TMEM117: variants seen among roughly 807,000 people sequenced by gnomAD.
The protein encoded by TMEM117 is transmembrane protein 117.
In TMEM117, 27 loss-of-function variants were observed where a neutral mutation model predicts 52.4. The observed-to-expected ratio is 0.51, with a 90% CI of 0.38 to 0.71. The LOEUF (loss-of-function observed/expected upper bound fraction) is 0.71. TMEM117 is among the 30% of genes least tolerant of loss of function. The probability of loss-of-function intolerance (pLI) is 0.00; values close to 1 mark genes in which losing one functional copy is unlikely to be tolerated. For synonymous variants in TMEM117, 215 were observed against 206.3 expected (o/e 1.04, Z -0.36); for missense variants, 556 against 630.5 (o/e 0.88, Z 1.26).
At chr12:44,317,002 C>CTTTTTTTTTTTT (rs1202276425) in intron 6 of TMEM117, among the ~76,000 whole-genome samples, 82 of 121,364 alleles carry the variant, frequency 6.8e-4, no homozygotes, top group East Asian at 1.7e-3. Flanking sequence ...TTTTCTTTTT[C>CTTTTTTTTTTTT]TTTTTTTTTT....
intron 4 of TMEM117, among the ~76,000 whole-genome samples, chr12:44,193,593 A>T (rs1949382661): frequency 6.7e-6 from 1 of 149,644 alleles, no homozygotes; most frequent in African/African-American, 2.5e-5. Flanking sequence ...CTACACTCTC[A>T]CTGAAAAAGC....
intron 3 of TMEM117, among the ~76,000 whole-genome samples, chr12:44,114,148 A>G (rs1182232476): frequency 1.3e-5 from 2 of 151,532 alleles, no homozygotes; most frequent in African/African-American, 4.9e-5. Flanking sequence ...TCAGATGGAA[A>G]TGCAGTAATC....
chr12:44,087,209 T>G (rs1305673434), intron 3 of TMEM117, among the ~76,000 whole-genome samples: 1 of 151,810 alleles, frequency 6.6e-6, no homozygotes, highest in Non-Finnish European at 1.5e-5. Flanking sequence ...ATTATTAATT[T>G]CACAAAATAA....
intron 6 of TMEM117, among the ~76,000 whole-genome samples, chr12:44,322,436 A>G (rs1459398667): frequency 2.0e-5 from 3 of 152,124 alleles, no homozygotes; most frequent in Non-Finnish European, 2.9e-5. Flanking sequence ...TCATTTCGCT[A>G]CTAAAAGGTT....
At chr12:44,212,695 G>A (rs1431979912) in intron 5 of TMEM117, among the ~76,000 whole-genome samples, 1 of 152,068 alleles carries the variant, frequency 6.6e-6, no homozygotes, top group Non-Finnish European at 1.5e-5. Context: ...GGGGACTACT[G>A]TAATTGATTA....
intron 3 of TMEM117, among the ~76,000 whole-genome samples, chr12:43,996,287 A>G (rs1946028420): frequency 6.6e-6 from 1 of 152,134 alleles, no homozygotes; most frequent in Non-Finnish European, 1.5e-5. Context: ...ATACAGTTTT[A>G]TTTCATTTTC....
intron 2 of TMEM117, among the ~76,000 whole-genome samples, chr12:43,917,147 CT>C (rs5797881): frequency 0.68 from 102,280 of 150,624 alleles, 38,744 homozygotes; most frequent in Non-Finnish European, 0.82. Flanking sequence ...AATTCCAACA[CT>C]TTTGGAGGCC....
At chr12:44,396,869 GA>G in the TMEM117 span, among the ~76,000 whole-genome samples, 1 of 148,790 alleles carries the variant, frequency 6.7e-6, no homozygotes, top group African/African-American at 2.5e-5. Context: ...AAAAAAGAAA[GA>G]AAAGAAAAAG....
chr12:44,228,006 C>T (rs1361927314), intron 5 of TMEM117, among the ~76,000 whole-genome samples: 1 of 142,288 alleles, frequency 7.0e-6, no homozygotes, highest in East Asian at 2.4e-4. Flanking sequence ...TAGAGAGAGA[C>T]ACAAAACCTG....
chr12:44,225,607 A>G (rs951855323), intron 5 of TMEM117, among the ~76,000 whole-genome samples: 1 of 152,198 alleles, frequency 6.6e-6, no homozygotes, highest in Non-Finnish European at 1.5e-5. Flanking sequence ...CCATTAAACA[A>G]TTTTAGTATA....
intron 5 of TMEM117, among the ~76,000 whole-genome samples, chr12:44,234,105 G>T (rs1949965482): frequency 6.6e-6 from 1 of 151,166 alleles, no homozygotes; most frequent in African/African-American, 2.4e-5. Flanking sequence ...TCCCGATTAT[G>T]CTGGCATCAT....
At chr12:44,258,443 C>T (rs1339985939) in intron 5 of TMEM117, among the ~76,000 whole-genome samples, 1 of 151,876 alleles carries the variant, frequency 6.6e-6, no homozygotes, top group East Asian at 1.9e-4. Context: ...TTTTCTTCTT[C>T]CCTCATGACA....
At chr12:43,834,821 C>T (rs775676322), upstream of TMEM117, among the ~76,000 whole-genome samples, 1 of 152,084 alleles carries the variant, frequency 6.6e-6, no homozygotes, top group Non-Finnish European at 1.5e-5. Context: ...TTTTTGGAAG[C>T]TAGAAAAATG....
At chr12:43,998,648 G>A (rs1178910830) in intron 3 of TMEM117, among the ~76,000 whole-genome samples, 1 of 152,112 alleles carries the variant, frequency 6.6e-6, no homozygotes, top group African/African-American at 2.4e-5. Context: ...TTATTTTCAT[G>A]ATTTTGAGTA....
At chr12:43,886,977 A>G (rs983815550) in intron 2 of TMEM117, among the ~76,000 whole-genome samples, 6 of 152,110 alleles carry the variant, frequency 3.9e-5, no homozygotes, top group Admixed American at 2.6e-4. Flanking sequence ...CCTCTGGAGT[A>G]GCTGGGACTA....
intron 5 of TMEM117, among the ~76,000 whole-genome samples, chr12:44,243,537 A>G (rs538601993): frequency 1.3e-5 from 2 of 152,060 alleles, no homozygotes; most frequent in South Asian, 2.1e-4. Context: ...ATGAGGTACA[A>G]TGTGGTGCTA....
chr12:44,264,140 G>T (rs2138547957), intron 5 of TMEM117, among the ~76,000 whole-genome samples: 1 of 152,282 alleles, frequency 6.6e-6, no homozygotes, highest in Non-Finnish European at 1.5e-5. Flanking sequence ...AAGTTGATGA[G>T]TGTTTAGGAG....
intron 3 of TMEM117, among the ~76,000 whole-genome samples, chr12:44,090,519 C>A (rs1947647892): frequency 6.6e-6 from 1 of 151,854 alleles, no homozygotes; most frequent in South Asian, 2.1e-4. Context: ...TCACTGCAAC[C>A]TCTGCCTCCC....
At position 44,222,849 on chromosome 12, in the gene TMEM117, G is replaced by A. The variant is rs929843296; in HGVS notation, c.608+11462G>A. ...CCATTACATCTCTATAGCAAGTAGT[G>A]CTATAATGCCACAAACTAGGCTTTC... On this transcript the variant is annotated intron_variant, in intron 5 of 7. Coordinates refer to ENST00000266534, the MANE Select transcript of TMEM117 (RefSeq NM_032256.3). 2.0e-5 allele frequency among the ~76,000 whole-genome samples: 3 copies of A among 152,236 alleles called. No individual in the cohort carries two copies. The East Asian group carries it at 5.8e-4, about 29-fold the overall frequency.
Sources: allele counts gnomAD v4.1 joint callset (sites outside exome capture counted in the v4.1 genomes callset), GRCh38; gene constraint gnomAD v4.1.1; transcripts MANE v1.5; gene names NCBI Gene and HGNC (gene_info 2026-07-23, HGNC 2026-07-21).